Variants in RAP1B observed in about 807,000 individuals in gnomAD.
The protein encoded by RAP1B is ras-related protein Rap-1b.
RAP1B carries 1 observed loss-of-function variant against 27.5 expected under a neutral mutation model. The observed-to-expected ratio is 0.04, with a 90% CI of 0.01 to 0.17. The LOEUF (loss-of-function observed/expected upper bound fraction) is 0.17. RAP1B is among the 10% of genes least tolerant of loss of function. The pLI is 1.00. For missense variants in RAP1B, 84 were observed against 214.8 expected (o/e 0.39, Z 3.81); for synonymous variants, 75 against 73.1 (o/e 1.03, Z -0.13).
intron 1 of RAP1B, chr12:68,624,883 T>C (rs1871638253): frequency 6.6e-6 from 1 of 152,250 alleles, no homozygotes; most frequent in Non-Finnish European, 1.5e-5. Context: ...AGTAAGTATC[T>C]GAAGAGGCTA....
intron 6 of RAP1B, 143 bp from the exon 7 acceptor site, chr12:68,656,958 C>A (rs1874249661): frequency 1.2e-5 from 9 of 727,044 alleles, no homozygotes; most frequent in Middle Eastern, 4.0e-4. Context: ...AGTTATAACA[C>A]CTGATTTTAT....
chr12:68,616,810 C>T (rs1006375287), intron 1 of RAP1B, among the ~76,000 whole-genome samples: 3 of 151,984 alleles, frequency 2.0e-5, no homozygotes, highest in Admixed American at 2.0e-4. Context: ...AAGGGATCTG[C>T]CCATCTTGGC....
chr12:68,639,091 C>CAGGG (rs1426981501), intron 1 of RAP1B, among the ~76,000 whole-genome samples: 1 of 152,108 alleles, frequency 6.6e-6, no homozygotes, highest in African/African-American at 2.4e-5. Flanking sequence ...ACTGCTGGAC[C>CAGGG]AGGGTTCAGA....
intron 1 of RAP1B, among the ~76,000 whole-genome samples, chr12:68,633,588 C>T (rs566804283): frequency 2.0e-4 from 31 of 152,026 alleles, no homozygotes; most frequent in Non-Finnish European, 3.4e-4. Context: ...ACTAATATCT[C>T]GGCTGGGTGC....
chr12:68,653,758 C>G (rs1873990540), intron 4 of RAP1B, among the ~76,000 whole-genome samples: 1 of 152,020 alleles, frequency 6.6e-6, no homozygotes, highest in Non-Finnish European at 1.5e-5. Context: ...GAAAGCCCGT[C>G]TCTACCGAAA....
rs1870528233 is a variant in RAP1B, at chr12:68,611,056, A to T, written c.-27+13A>T. The T allele has an allele frequency of 3.6e-6, 1 of 279,000 alleles. No homozygotes were observed. The highest frequency in any genetic ancestry group is 6.7e-6 in the Non-Finnish European group (1 of 149,218). 17.3% of individuals were successfully genotyped at this position (279,000 alleles called of 1,614,324 possible). A position where few individuals can be genotyped will look rare whatever the true frequency, so the allele number is the denominator to read the frequency against. Reference sequence around the variant, plus strand: ...GACAGCGTGAGAGGTTCGCAGAGTGAGTGCGTGGCCGCTGAGGGAAGCCGC... The same window carrying T: ...GACAGCGTGAGAGGTTCGCAGAGTGTGTGCGTGGCCGCTGAGGGAAGCCGC... On this transcript the variant is annotated intron_variant, in intron 1 of 7. Coordinates refer to ENST00000250559, the MANE Select transcript of RAP1B (RefSeq NM_001010942.3).
At chr12:68,625,486 A>G (rs1328004246) in intron 1 of RAP1B, among the ~76,000 whole-genome samples, 1 of 152,160 alleles carries the variant, frequency 6.6e-6, no homozygotes, top group Non-Finnish European at 1.5e-5. Flanking sequence ...TACTTGGTTA[A>G]TTTTTCTCCT....
At chr12:68,627,470 C>G (rs557292055) in intron 1 of RAP1B, 1 of 293,446 alleles carries the variant, frequency 3.4e-6, no homozygotes, top group Non-Finnish European at 6.6e-6. Context: ...GGTTTGGTAG[C>G]CAACCACTAC....
At chr12:68,636,321 T>C (rs1373649164) in intron 1 of RAP1B, among the ~76,000 whole-genome samples, 8 of 152,246 alleles carry the variant, frequency 5.3e-5, no homozygotes, top group Non-Finnish European at 1.0e-4. Context: ...TACAAAGTTA[T>C]GAGCAATTGT....
At chr12:68,637,527 G>A (rs1202917813) in intron 1 of RAP1B, among the ~76,000 whole-genome samples, 1 of 144,458 alleles carries the variant, frequency 6.9e-6, no homozygotes, top group Non-Finnish European at 1.5e-5. Flanking sequence ...AACCAGGGAG[G>A]CTGAGGTTGC....
intron 1 of RAP1B, chr12:68,643,089 T>A (rs915805337): frequency 1.3e-4 from 84 of 630,096 alleles, no homozygotes; most frequent in Middle Eastern, 4.3e-4. Context: ...TTCAGAGTTT[T>A]TCTGTTGATT....
At chr12:68,657,769 CACACGT>C (rs1681109949) in intron 7 of RAP1B, 1 of 151,038 alleles carries the variant, frequency 6.6e-6, no homozygotes, top group Non-Finnish European at 1.4e-5. Flanking sequence ...CACACACACA[CACACGT>C]GCGCGCGTGC....
Position 68,627,452 on chromosome 12 carries a change from G to A in RAP1B, c.-27+16409G>A, listed in dbSNP as rs568800163. 5 of 336,634 alleles carry A rather than the reference G, an allele frequency of 1.5e-5. No individual in the cohort carries two copies. The Admixed American group carries it at 2.1e-4, about 14-fold the overall frequency. The allele number at this position is 336,634 out of a possible 1,614,324, so 20.9% of individuals were successfully genotyped here. A position where few individuals can be genotyped will look rare whatever the true frequency, so the allele number is the denominator to read the frequency against. On this transcript the variant is annotated intron_variant, in intron 1 of 7. Coordinates refer to ENST00000250559, the MANE Select transcript of RAP1B (RefSeq NM_001010942.3). ...GATTTTACTAATAATAGTGTTAGGA[G>A]TATAAATGGTTTGGTAGCCAACCAC...
In RAP1B at chr12:68,656,332, G is replaced by A. The variant is rs777078785; in HGVS notation, c.351G>A (p.Lys117=). The part of the protein sequence containing the change: ...DDVPMILVGN[K]CDLEDERVVG... ...TTCCAATGATTCTTGTTGGTAATAA[G>A]TGTGACTTGGAAGATGAAAGAGTTG... The change falls in exon 6 of 8, where the codon AAG becomes AAA. Residue 117 remains lysine (K), a synonymous_variant. Transcript: ENST00000250559. The A allele has an allele frequency of 5.0e-6, 8 of 1,606,466 alleles. No homozygotes were observed. In the African/African-American group the frequency reaches 9.4e-5, roughly 19 times the overall value.
intron 1 of RAP1B, among the ~76,000 whole-genome samples, chr12:68,627,851 C>T (rs1233712978): frequency 6.6e-6 from 1 of 152,044 alleles, no homozygotes; most frequent in Non-Finnish European, 1.5e-5. Context: ...GAAATCCCAA[C>T]ACTTTGGGAG....
chr12:68,642,823 G>C (rs1330313243), intron 1 of RAP1B: 1 of 1,008,052 alleles, frequency 9.9e-7, no homozygotes, highest in Non-Finnish European at 1.6e-6. Flanking sequence ...CGTTGGCCTT[G>C]TAGTAAGCCC....
At position 68,655,316 on chromosome 12, in the gene RAP1B, C is replaced by G. The variant is rs370648343; in HGVS notation, c.325-990C>G. On this transcript the variant is annotated intron_variant, in intron 5 of 7. Transcript: ENST00000250559. ...CTAGGGTGACATAGTGAGACCCTGT[C>G]TCAAAATAAATACATAAATAAGACT... is the stretch of plus-strand genomic sequence containing the variant. Among the ~76,000 whole-genome samples, 52 of 152,106 alleles carry G rather than the reference C, an allele frequency of 3.4e-4. 1 individual carries two copies. In the South Asian group the frequency reaches 0.01, roughly 30 times the overall value.
At chr12:68,624,405 T>A (rs1364921536) in intron 1 of RAP1B, 2 of 152,212 alleles carry the variant, frequency 1.3e-5, no homozygotes, top group African/African-American at 2.4e-5. Context: ...TTCCTAATAA[T>A]GTTTTTAAGA....
intron 1 of RAP1B, among the ~76,000 whole-genome samples, chr12:68,636,356 A>G (rs79771760): frequency 0.011 from 1,672 of 152,314 alleles, 31 homozygotes; most frequent in African/African-American, 0.038. Flanking sequence ...AGTTGGTTTT[A>G]ACACTAGAGT....
Sources: allele counts gnomAD v4.1 joint callset (sites outside exome capture counted in the v4.1 genomes callset), GRCh38; gene constraint gnomAD v4.1.1; transcripts MANE v1.5; gene names NCBI Gene and HGNC (gene_info 2026-07-23, HGNC 2026-07-21).